Variants in KIF13B observed in about 807,000 individuals in gnomAD.
The protein encoded by KIF13B is kinesin family member 13B.
Under a neutral mutation model 222.0 loss-of-function variants are expected in KIF13B, and 127 were observed. That is an observed-to-expected ratio of 0.57 (90% CI 0.50 to 0.66). The LOEUF (loss-of-function observed/expected upper bound fraction) is 0.66. Among genes scored for constraint, KIF13B ranks in the 30% least tolerant of loss-of-function variants. KIF13B has a pLI of 0.00. For missense variants in KIF13B, 2,173 were observed against 2,379.0 expected (o/e 0.91, Z 1.80); for synonymous variants, 976 against 919.0 (o/e 1.06, Z -1.12).
chr8:29,116,177 G>A (rs148028671), intron 31 of KIF13B, among the ~76,000 whole-genome samples: 11 of 152,336 alleles, frequency 7.2e-5, no homozygotes, highest in Admixed American at 2.0e-4. Context: ...GAGAGCAGGC[G>A]TGCGCCACTG....
intron 1 of KIF13B, among the ~76,000 whole-genome samples, chr8:29,247,429 G>C (rs1038055910): frequency 6.6e-6 from 1 of 152,050 alleles, no homozygotes; most frequent in African/African-American, 2.4e-5. Flanking sequence ...GATTCAAAAA[G>C]CACACCATCG....
chr8:29,199,516 C>T (rs929428890), intron 2 of KIF13B, among the ~76,000 whole-genome samples: 4 of 147,056 alleles, frequency 2.7e-5, no homozygotes, highest in African/African-American at 7.6e-5. Flanking sequence ...CAACATGATG[C>T]TCAAAAGGTC....
rs1296530984 is a variant in KIF13B, at chr8:29,184,894, T to TATAC, written c.497+1397_497+1398insGTAT. ...AAGAAAAAAATATACAGGGATATAA[T>TATAC]ATTAAGTAGGATGTGGGTACCTGGA... On this transcript the variant is annotated intron_variant, in intron 6 of 39. Coordinates refer to ENST00000524189, the MANE Select transcript of KIF13B (RefSeq NM_015254.4). Among the ~76,000 whole-genome samples the TATAC allele has an allele frequency of 4.6e-5, 7 of 152,252 alleles. No individual in the cohort carries two copies. In the East Asian group the frequency reaches 1.3e-3, roughly 29 times the overall value.
chr8:29,236,190 AT>A lies in KIF13B; in HGVS notation c.149+9155del, dbSNP rs532546089. Among the ~76,000 whole-genome samples, 386 of 152,236 alleles carry A rather than the reference AT, an allele frequency of 2.5e-3. 5 individuals carry two copies. Among genetic ancestry groups the A allele is most frequent in the African/African-American group, 8.7e-3 (363 of 41,536 alleles). Reference sequence around the variant, plus strand: ...AAATTTGATGCCACCACCTCACTATATTTTTTTCCTCCTCCTCACACCTATT... The same window carrying A: ...AAATTTGATGCCACCACCTCACTATATTTTTTCCTCCTCCTCACACCTATT... On this transcript the variant is annotated intron_variant, in intron 2 of 39. Transcript: ENST00000524189.
intron 14 of KIF13B, among the ~76,000 whole-genome samples, chr8:29,151,881 A>G (rs1014598736): frequency 3.7e-5 from 5 of 133,498 alleles, no homozygotes; most frequent in Admixed American, 7.3e-5. Context: ...TCATAAGGCT[A>G]TAGCTGCTAT....
chr8:29,195,984 A>G (rs550389206), intron 3 of KIF13B, among the ~76,000 whole-genome samples: 1 of 152,374 alleles, frequency 6.6e-6, no homozygotes, highest in Non-Finnish European at 1.5e-5. Context: ...AGAAGTGGTC[A>G]AAGTGCAAAT....
chr8:29,111,595 C>CT lies in KIF13B; in HGVS notation c.3931-1526dup, dbSNP rs1809356607. ...ACATGAGGTTATGTTTATCTTCAAG[C>CT]TGATCCCCCCTATATTTCTTTCCTT... On this transcript the variant is annotated intron_variant, in intron 32 of 39. Transcript: ENST00000524189. 2.6e-5 allele frequency among the ~76,000 whole-genome samples: 4 copies of CT among 152,302 alleles called. No homozygotes were observed. The South Asian group carries it at 8.3e-4, about 32-fold the overall frequency.
rs141861862 is a variant in KIF13B at position 29,142,657 on chromosome 8, T to C, written c.2188-354A>G. On this transcript the variant is annotated intron_variant, in intron 18 of 39. Transcript: ENST00000524189. ...GAGTTCAAGACCAGCCTGGCCAACA[T>C]GGTGAAACCCCTCTCTACTAAAAAT... Among the ~76,000 whole-genome samples, 810 of 152,086 alleles carry C rather than the reference T, an allele frequency of 5.3e-3. 6 individuals are homozygous for C. Among genetic ancestry groups the C allele is most frequent in the African/African-American group, 0.018 (738 of 41,502 alleles).
At chr8:29,245,137 C>T (rs1200453787) in intron 2 of KIF13B, among the ~76,000 whole-genome samples, 1 of 152,224 alleles carries the variant, frequency 6.6e-6, no homozygotes, top group Non-Finnish European at 1.5e-5. Flanking sequence ...GCTTCTAATA[C>T]AATTACTACC....
chr8:29,222,697 T>A (rs573323425), intron 2 of KIF13B, among the ~76,000 whole-genome samples: 2 of 152,090 alleles, frequency 1.3e-5, no homozygotes, highest in African/African-American at 2.4e-5. Context: ...ATTCAGATCA[T>A]AAAAGTCACT....
intron 32 of KIF13B, among the ~76,000 whole-genome samples, chr8:29,112,797 G>A (rs145865811): frequency 3.3e-5 from 5 of 152,266 alleles, no homozygotes; most frequent in African/African-American, 4.8e-5. Context: ...TCTAATTCAC[G>A]AATCACCTAT....
chr8:29,090,765 A>G (rs1586762038), intron 37 of KIF13B, among the ~76,000 whole-genome samples: 1 of 152,220 alleles, frequency 6.6e-6, no homozygotes, highest in African/African-American at 2.4e-5. Flanking sequence ...GCTGGAATGC[A>G]GTGGCATGAT....
intron 13 of KIF13B, 150 bp from the exon 14 acceptor site, chr8:29,156,006 T>C (rs375439349): frequency 5.4e-6 from 3 of 555,410 alleles, no homozygotes; most frequent in East Asian, 3.5e-5. Flanking sequence ...TCTTGCTCTA[T>C]CCCCCATGCT....
chr8:29,112,799 A>G (rs1462436105), intron 32 of KIF13B, among the ~76,000 whole-genome samples: 1 of 152,226 alleles, frequency 6.6e-6, no homozygotes, highest in Non-Finnish European at 1.5e-5. Context: ...TAATTCACGA[A>G]TCACCTATCA....
chr8:29,081,284 T>C, intron 37 of KIF13B, among the ~76,000 whole-genome samples: 1 of 151,954 alleles, frequency 6.6e-6, no homozygotes, highest in East Asian at 1.9e-4. Flanking sequence ...CCTCCCCATT[T>C]CCCCAACAGG....
chr8:29,150,490 C>A, intron 14 of KIF13B, 107 bp from the exon 15 acceptor site: 1 of 595,724 alleles, frequency 1.7e-6, no homozygotes, highest in South Asian at 2.2e-5. Context: ...CAATAATTCC[C>A]CCAAACACAA....
At chr8:29,141,627 C>G (rs544406308) in intron 19 of KIF13B, among the ~76,000 whole-genome samples, 1 of 152,284 alleles carries the variant, frequency 6.6e-6, no homozygotes, top group South Asian at 2.1e-4. Flanking sequence ...GAGTACATGG[C>G]TGATCTAAGT....
chr8:29,181,877 A>T, intron 7 of KIF13B, 42 bp downstream of exon 7: 1 of 1,406,570 alleles, frequency 7.1e-7, no homozygotes, highest in Non-Finnish European at 9.9e-7. Context: ...GCCCCACCCT[A>T]CTACACTAAA....
At chr8:29,119,736 C>T (rs1024618803) in intron 29 of KIF13B, among the ~76,000 whole-genome samples, 9 of 152,230 alleles carry the variant, frequency 5.9e-5, no homozygotes, top group Admixed American at 4.6e-4. Flanking sequence ...CAGAACACCA[C>T]AGCAGGATAA....
Sources: gnomAD v4.1 joint callset for allele counts (sites outside exome capture counted in the v4.1 genomes callset) on GRCh38, gnomAD v4.1.1 for gene constraint, MANE v1.5 for transcripts, NCBI Gene and HGNC (gene_info 2026-07-23, HGNC 2026-07-21) for gene names.